SVEP1: variants seen among roughly 807,000 people sequenced by gnomAD.
The protein encoded by SVEP1 is sushi, von Willebrand factor type A, EGF and pentraxin domain containing 1, also known as sushi, von Willebrand factor type A, EGF and pentraxin domain-containing protein 1.
Under a neutral mutation model 367.3 loss-of-function variants are expected in SVEP1, and 164 were observed. The observed-to-expected ratio is 0.45, with a 90% CI of 0.39 to 0.51. The LOEUF (loss-of-function observed/expected upper bound fraction) is 0.51. SVEP1 is among the 20% of genes least tolerant of loss of function. The probability of loss-of-function intolerance (pLI) is 0.00; values close to 1 mark genes in which losing one functional copy is unlikely to be tolerated. For missense variants in SVEP1, 4,117 were observed against 4,425.3 expected (o/e 0.93, Z 1.98); for synonymous variants, 1,666 against 1,611.6 (o/e 1.03, Z -0.81).
chr9:110,411,899 T>C (rs1278552202), intron 36 of SVEP1, among the ~76,000 whole-genome samples, 164 bp from the exon 37 acceptor site: 1 of 152,238 alleles, frequency 6.6e-6, no homozygotes, highest in African/African-American at 2.4e-5. Flanking sequence ...TGACTTTCAC[T>C]TGAGATATGT....
chr9:110,451,269 G>A lies in SVEP1; in HGVS notation c.3901+20C>T, dbSNP rs1162073292. 2 of 1,586,624 alleles carry A rather than the reference G, an allele frequency of 1.3e-6. No individual in the cohort carries two copies. Among genetic ancestry groups the A allele is most frequent in the Non-Finnish European group, 1.7e-6 (2 of 1,155,520 alleles). On this transcript the variant is annotated intron_variant, in intron 23 of 47. Transcript: ENST00000374469. ...TTTACAAGATTTTAAGACAACATAG[G>A]AAGACTGGAAACATCTTACCTACAA...
At position 110,503,228 on chromosome 9, in the gene SVEP1, T is replaced by C. The variant is rs774070800; in HGVS notation, c.1304-11A>G. 6.2e-7 allele frequency: 1 copy of C among 1,602,158 alleles called. No individual in the cohort carries two copies. The highest frequency in any genetic ancestry group is 1.1e-5 in the South Asian group (1 of 88,222). On this transcript the variant is annotated splice_polypyrimidine_tract_variant and intron_variant, in intron 5 of 47. Coordinates refer to ENST00000374469, the MANE Select transcript of SVEP1 (RefSeq NM_153366.4). Reference sequence around the variant, plus strand: ...GAGGACATGTTCTTACTATGTAAAATGAAAGCAATTAGATCACATTTTGCT... The same window carrying C: ...GAGGACATGTTCTTACTATGTAAAACGAAAGCAATTAGATCACATTTTGCT...
intron 18 of SVEP1, among the ~76,000 whole-genome samples, chr9:110,464,961 T>C (rs1271769280): frequency 2.0e-5 from 3 of 152,218 alleles, no homozygotes; most frequent in African/African-American, 7.2e-5. Context: ...CTTTTGTTTC[T>C]GTTTACATGT....
At position 110,408,889 on chromosome 9, in the gene SVEP1, T is replaced by A; in HGVS notation, c.6711A>T (p.Ser2237=). ...GGCAGACAAATACAGGACTTCCGACTGACTTATAGCCCGGGTTACACTGAT... is the reference window on the plus strand; with the variant it reads ...GGCAGACAAATACAGGACTTCCGACAGACTTATAGCCCGGGTTACACTGAT... The part of the protein sequence containing the change: ...VRYQCNPGYK[S]VGSPVFVCQA... The change falls in exon 38 of 48, where the codon TCA becomes TCT. Residue 2237 remains serine (S), a synonymous_variant. Transcript: ENST00000374469. 6.2e-7 allele frequency: 1 copy of A among 1,613,132 alleles called. No individual in the cohort carries two copies.
At chr9:110,383,211 T>A (rs1034116921) in intron 43 of SVEP1, among the ~76,000 whole-genome samples, 1 of 152,202 alleles carries the variant, frequency 6.6e-6, no homozygotes, top group Non-Finnish European at 1.5e-5. Flanking sequence ...CCAGTTTTGA[T>A]CTTTGAGGTT....
intron 26 of SVEP1, among the ~76,000 whole-genome samples, 157 bp downstream of exon 26, chr9:110,445,680 T>C (rs959260765): frequency 3.9e-5 from 6 of 152,216 alleles, no homozygotes; most frequent in Non-Finnish European, 8.8e-5. Flanking sequence ...TTTACGTTCT[T>C]AAAGAACTTG....
chr9:110,527,685 T>C (rs1318764027), intron 3 of SVEP1, among the ~76,000 whole-genome samples: 2 of 152,082 alleles, frequency 1.3e-5, no homozygotes, highest in African/African-American at 4.8e-5. Context: ...CTTAAGTGAA[T>C]TTCATAAAAT....
rs775867817 is a variant in SVEP1 at position 110,429,238 on chromosome 9, C to T, written c.5712G>A (p.Lys1904=). Residue 1904 remains lysine (K), a synonymous_variant, in exon 35 of 48, where the codon AAG becomes AAA. Transcript: ENST00000374469. ...SHSPPVCEPV[K]CSSPENINNG... Reference sequence around the variant, plus strand: ...TATTTATATTTTCCGGACTAGAACACTTCACTGGTTCACACACAGGAGGGG... The same window carrying T: ...TATTTATATTTTCCGGACTAGAACATTTCACTGGTTCACACACAGGAGGGG... 6.3e-7 allele frequency: 1 copy of T among 1,596,368 alleles called. No individual in the cohort carries two copies. Among genetic ancestry groups the T allele is most frequent in the Admixed American group, 1.7e-5 (1 of 57,510 alleles).
intron 25 of SVEP1, among the ~76,000 whole-genome samples, chr9:110,446,340 T>C (rs971952482): frequency 1.2e-4 from 18 of 152,198 alleles, no homozygotes; most frequent in African/African-American, 4.3e-4. Flanking sequence ...AAAGCATGTC[T>C]GTATGCTGAT....
At chr9:110,395,966 T>TACCC (rs1428165809) in intron 40 of SVEP1, among the ~76,000 whole-genome samples, 1 of 151,104 alleles carries the variant, frequency 6.6e-6, no homozygotes, top group Non-Finnish European at 1.5e-5. Context: ...TTAACAAGGA[T>TACCC]ACCCAGGAAT....
chr9:110,479,789 G>A (rs373177793), intron 12 of SVEP1, 33 bp from the exon 13 acceptor site: 8 of 1,579,252 alleles, frequency 5.1e-6, no homozygotes, highest in Admixed American at 2.0e-5. Context: ...GCTTCAGTTG[G>A]TTAGTGTTTT....
chr9:110,507,643 T>C (rs2118764661), intron 5 of SVEP1, among the ~76,000 whole-genome samples: 1 of 152,340 alleles, frequency 6.6e-6, no homozygotes, highest in African/African-American at 2.4e-5. Context: ...TAATTTTTCC[T>C]GAATGTGCCC....
At chr9:110,399,920 T>C (rs538428778) in intron 40 of SVEP1, among the ~76,000 whole-genome samples, 1 of 152,250 alleles carries the variant, frequency 6.6e-6, no homozygotes, top group Non-Finnish European at 1.5e-5. Context: ...TAATGTAAAA[T>C]AGGCCTCTTA....
intron 1 of SVEP1, among the ~76,000 whole-genome samples, chr9:110,556,644 G>A (rs567308667): frequency 8.5e-5 from 13 of 152,162 alleles, no homozygotes; most frequent in African/African-American, 2.9e-4. Context: ...ACAGGCACGT[G>A]CCACCACGCC....
At chr9:110,486,071 A>C (rs543040296) in intron 9 of SVEP1, among the ~76,000 whole-genome samples, 1 of 152,182 alleles carries the variant, frequency 6.6e-6, no homozygotes, top group Non-Finnish European at 1.5e-5. Context: ...TTGGATCTCC[A>C]CTAGATAGCA....
intron 43 of SVEP1, among the ~76,000 whole-genome samples, chr9:110,380,594 C>T (rs1023755845): frequency 2.0e-5 from 3 of 152,122 alleles, no homozygotes; most frequent in Admixed American, 6.6e-5. Context: ...TTCGGTTCTC[C>T]GGTATTTTAT....
chr9:110,449,597 C>A (rs369339273), intron 24 of SVEP1, among the ~76,000 whole-genome samples: 7 of 152,116 alleles, frequency 4.6e-5, no homozygotes, highest in African/African-American at 1.7e-4. Flanking sequence ...GCAGGAGAAT[C>A]GCTTTAAACC....
At chr9:110,422,634 G>T (rs1384865952) in intron 36 of SVEP1, among the ~76,000 whole-genome samples, 1 of 106,364 alleles carries the variant, frequency 9.4e-6, no homozygotes, top group East Asian at 2.3e-4. Context: ...ATACCCAAAG[G>T]ACTATAAATC....
At chr9:110,378,342 A>G (rs1237678120) in intron 44 of SVEP1, among the ~76,000 whole-genome samples, 2 of 152,172 alleles carry the variant, frequency 1.3e-5, no homozygotes, top group African/African-American at 2.4e-5. Context: ...CTGCCAGACA[A>G]TGAGTCCTCT....
Sources: gnomAD v4.1 joint callset for allele counts (sites outside exome capture counted in the v4.1 genomes callset) on GRCh38, gnomAD v4.1.1 for gene constraint, MANE v1.5 for transcripts, NCBI Gene and HGNC (gene_info 2026-07-23, HGNC 2026-07-21) for gene names.